DGLUCY: variants seen among roughly 807,000 people sequenced by gnomAD.
The protein encoded by DGLUCY is D-glutamate cyclase, mitochondrial.
Under a neutral mutation model 58.5 loss-of-function variants are expected in DGLUCY, and 58 were observed. The ratio of observed to expected loss-of-function variants is 0.99; its 90% confidence interval spans 0.80 to 1.23. The LOEUF (loss-of-function observed/expected upper bound fraction) is 1.23, where lower values mean the gene tolerates loss of function less well. Ranked by LOEUF, DGLUCY falls within the 50% of genes most tolerant of loss-of-function variation. DGLUCY has a pLI of 0.00. For missense variants in DGLUCY, 779 were observed against 784.7 expected (o/e 0.99, Z 0.09); for synonymous variants, 325 against 314.1 (o/e 1.03, Z -0.37).
At chr14:91,175,511 G>A (rs958822645) in intron 6 of DGLUCY, among the ~76,000 whole-genome samples, 3 of 152,100 alleles carry the variant, frequency 2.0e-5, no homozygotes, top group African/African-American at 7.2e-5. Flanking sequence ...GATGGATTGG[G>A]CCCAGCACAT....
intron 5 of DGLUCY, among the ~76,000 whole-genome samples, chr14:91,172,264 A>G (rs1224154202): frequency 6.6e-6 from 1 of 151,890 alleles, no homozygotes; most frequent in African/African-American, 2.4e-5. Flanking sequence ...TTTTTGGTAG[A>G]GACAGGGTTT....
chr14:91,135,653 T>TTAA (rs376823612), intron 1 of DGLUCY, among the ~76,000 whole-genome samples: 9 of 100,316 alleles, frequency 9.0e-5, no homozygotes, highest in African/African-American at 3.6e-4. Flanking sequence ...TCTGCCTCAT[T>TTAA]AAAAAAAAAA....
chr14:91,108,524 T>TGAGAGAGA (rs1311616533), intron 1 of DGLUCY, among the ~76,000 whole-genome samples: 68 of 40,572 alleles, frequency 1.7e-3, no homozygotes, highest in Admixed American at 0.016. Flanking sequence ...TGTGTGTGTG[T>TGAGAGAGA]GTGAGAGAGA....
chr14:91,097,320 C>T (rs534188432), intron 1 of DGLUCY, among the ~76,000 whole-genome samples: 48 of 152,098 alleles, frequency 3.2e-4, no homozygotes, highest in African/African-American at 1.1e-3. Context: ...TGCTTGAGGC[C>T]AGGAGGTGGA....
chr14:91,129,875 G>A (rs1282621977), intron 1 of DGLUCY, among the ~76,000 whole-genome samples: 2 of 152,100 alleles, frequency 1.3e-5, no homozygotes, highest in African/African-American at 2.4e-5. Context: ...TTGAACTCCC[G>A]ACCTCAGGTG....
At chr14:91,072,370 C>G (rs1204481049) in intron 1 of DGLUCY, among the ~76,000 whole-genome samples, 1 of 151,278 alleles carries the variant, frequency 6.6e-6, no homozygotes, top group Middle Eastern at 3.2e-3. Context: ...TTAAAACAGA[C>G]ACGATTCTAA....
At chr14:91,129,917 G>T (rs567522416) in intron 1 of DGLUCY, among the ~76,000 whole-genome samples, 1 of 152,198 alleles carries the variant, frequency 6.6e-6, no homozygotes, top group East Asian at 1.9e-4. Flanking sequence ...AAAGTGCTGG[G>T]ATTACAGGCA....
At chr14:91,111,630 C>T (rs1028494808), upstream of DGLUCY, among the ~76,000 whole-genome samples, 1 of 152,162 alleles carries the variant, frequency 6.6e-6, no homozygotes, top group African/African-American at 2.4e-5. Context: ...CAGATCTTAG[C>T]GAGGGCCTAC....
At chr14:91,158,788 G>A (rs555075204) in intron 2 of DGLUCY, 60 of 151,718 alleles carry the variant, frequency 4.0e-4, no homozygotes, top group African/African-American at 1.4e-3. Context: ...CCAACACAAT[G>A]TGGTTATCTA....
chr14:91,155,640 T>C (rs777663548), intron 1 of DGLUCY, among the ~76,000 whole-genome samples: 1 of 151,488 alleles, frequency 6.6e-6, no homozygotes, highest in Non-Finnish European at 1.5e-5. Flanking sequence ...AAAGAAAAAT[T>C]TAAAAATTAG....
At chr14:91,161,785 T>A (rs1595801233) in intron 3 of DGLUCY, among the ~76,000 whole-genome samples, 1 of 148,108 alleles carries the variant, frequency 6.8e-6, no homozygotes, top group African/African-American at 2.5e-5. Flanking sequence ...TATAAATTGG[T>A]GCAAAAGTAA....
At chr14:91,061,457 T>A (rs1324608274) in intron 1 of DGLUCY, among the ~76,000 whole-genome samples, 1 of 152,146 alleles carries the variant, frequency 6.6e-6, no homozygotes, top group Non-Finnish European at 1.5e-5. Flanking sequence ...TGAGAAACAA[T>A]CTGTGTGTGT....
Position 91,181,319 on chromosome 14 carries a change from C to G in DGLUCY, c.864C>G (p.His288Gln), listed in dbSNP as rs1041074311. The G allele has an allele frequency of 1.2e-6, 2 of 1,614,096 alleles. No individual in the cohort carries two copies. The highest frequency in any genetic ancestry group is 1.3e-5 in the African/African-American group (1 of 74,938). Residue 288 changes from histidine (H) to glutamine (Q), a missense_variant, in exon 8 of 14, where the codon CAC becomes CAG. By Grantham distance (24) the His-to-Gln change is conservative (BLOSUM62 0). Transcript: ENST00000256324. ...ATCACATTTCCCAAGATCCTCTGCA[C>G]TACAGCATCGCGTCAGTCTCTGCTT... ...EVHHISQDPL[H>Q]YSIASVSASQ...
chr14:91,163,533 G>C (rs913429022), intron 3 of DGLUCY, among the ~76,000 whole-genome samples: 1 of 152,188 alleles, frequency 6.6e-6, no homozygotes, highest in African/African-American at 2.4e-5. Context: ...CGGGCCCTGC[G>C]ATTTGAGCAG....
chr14:91,074,316 T>A lies in DGLUCY; in HGVS notation c.-82+13612T>A, dbSNP rs969344633. Among the ~76,000 whole-genome samples the A allele has an allele frequency of 4.3e-3, 592 of 138,500 alleles. 17 individuals carry two copies. Among genetic ancestry groups the A allele is most frequent in the Admixed American group, 0.042 (535 of 12,800 alleles). The allele number at this position is 138,500 out of a possible 152,430, so 90.9% of individuals were successfully genotyped here. On this transcript the variant is annotated intron_variant, in intron 1 of 4. Coordinates refer to the DGLUCY transcript ENST00000521334. ...TCTCAAAAAAAAAAAAAAAAAAATA[T>A]ATATATATATATATAAACCGAGTGT...
chr14:91,160,657 A>G (rs1330187248), intron 3 of DGLUCY, among the ~76,000 whole-genome samples: 2 of 152,098 alleles, frequency 1.3e-5, no homozygotes, highest in African/African-American at 2.4e-5. Flanking sequence ...TCAGCCCCAT[A>G]TGGAGAACCA....
chr14:91,130,261 T>G (rs887897720), intron 1 of DGLUCY, among the ~76,000 whole-genome samples: 1 of 152,124 alleles, frequency 6.6e-6, no homozygotes, highest in Non-Finnish European at 1.5e-5. Context: ...TAGTTATAAT[T>G]TGCATGTATT....
chr14:91,146,993 C>T (rs1275350752), intron 1 of DGLUCY, among the ~76,000 whole-genome samples: 1 of 151,930 alleles, frequency 6.6e-6, no homozygotes, highest in Non-Finnish European at 1.5e-5. Context: ...GGGAAGAAGT[C>T]CCCTGTAGAA....
intron 7 of DGLUCY, among the ~76,000 whole-genome samples, chr14:91,178,800 G>A (rs2049001904): frequency 1.3e-5 from 2 of 152,012 alleles, no homozygotes; most frequent in Non-Finnish European, 2.9e-5. Context: ...GGAGGCTGAG[G>A]TGGTCGGATC....
Sources: gnomAD v4.1 joint callset for allele counts (sites outside exome capture counted in the v4.1 genomes callset) on GRCh38, gnomAD v4.1.1 for gene constraint, MANE v1.5 for transcripts, NCBI Gene and HGNC (gene_info 2026-07-23, HGNC 2026-07-21) for gene names.